RNF10: variants seen among roughly 807,000 people sequenced by gnomAD.
RNF10 encodes ring finger protein 10, also known as E3 ubiquitin-protein ligase RNF10.
RNF10 carries 38 observed loss-of-function variants against 91.4 expected under a neutral mutation model. The ratio of observed to expected loss-of-function variants is 0.42; its 90% CI spans 0.32 to 0.54. The LOEUF is 0.54. RNF10 is among the 20% of genes least tolerant of loss of function. The pLI, the probability that RNF10 is intolerant of heterozygous loss-of-function variation, is 0.16. For missense variants in RNF10, 945 were observed against 1,012.0 expected, an observed-to-expected ratio of 0.93 and a Z score of 0.90; for synonymous variants, 364 against 366.3, an observed-to-expected ratio of 0.99 and a Z score of 0.07.
Position 120,563,488 on chromosome 12 carries a change from G to C in RNF10, c.1396G>C (p.Ala466Pro), listed in dbSNP as rs763780862. Residue 466 changes from alanine (A) to proline (P), a missense_variant, in exon 9 of 17, where the codon GCC becomes CCC. Physicochemically the swap from Ala to Pro is conservative, Grantham distance 27. Transcript: ENST00000325954. ...ACCAGAGCCTGAGGGGTTGCCAGAG[G>C]CCTGTGATGACTTGGAGTTAGCAGA... ...SEPEPEGLPE[A>P]CDDLELADDN... 38 of 1,614,140 alleles carry C rather than the reference G, an allele frequency of 2.4e-5. No homozygotes were observed. The highest frequency in any genetic ancestry group is 3.2e-5 in the Non-Finnish European group (38 of 1,180,028).
chr12:120,561,939 T>G (rs1173427832), intron 7 of RNF10, among the ~76,000 whole-genome samples: 2 of 152,222 alleles, frequency 1.3e-5, no homozygotes, highest in African/African-American at 2.4e-5. Flanking sequence ...TAGGTTAGTT[T>G]CATGTTCTTA....
intron 1 of RNF10, among the ~76,000 whole-genome samples, chr12:120,538,529 G>A (rs1439593205): frequency 6.6e-6 from 1 of 152,170 alleles, no homozygotes; most frequent in African/African-American, 2.4e-5. Context: ...TATTCCTACA[G>A]CTTCATTCCA....
At chr12:120,554,509 T>C in intron 3 of RNF10, 1 of 514,156 alleles carries the variant, frequency 1.9e-6, no homozygotes, top group Non-Finnish European at 3.5e-6. Flanking sequence ...AGAAAACAGT[T>C]CATGGATTTA....
intron 1 of RNF10, among the ~76,000 whole-genome samples, chr12:120,540,817 A>G (rs1871435517): frequency 6.6e-6 from 1 of 151,720 alleles, no homozygotes; most frequent in African/African-American, 2.4e-5. Flanking sequence ...AAGTGAAGAA[A>G]TGAAGACAGC....
rs1877460904 is a variant in RNF10, at chr12:120,576,835, G to T, written c.*169G>T. On this transcript the variant is annotated 3_prime_UTR_variant, in exon 17 of 17. Coordinates refer to ENST00000325954, the MANE Select transcript of RNF10 (RefSeq NM_014868.5). Reference sequence around the variant, plus strand: ...GGGAACCAAGAAAATTTTAAATACAGTGTATTTTCCAGCTTCCTGTCTTTA... The same window carrying T: ...GGGAACCAAGAAAATTTTAAATACATTGTATTTTCCAGCTTCCTGTCTTTA... The T allele has an allele frequency of 1.2e-5, 10 of 808,780 alleles. No homozygotes were observed. The South Asian group carries it at 1.6e-4, about 13-fold the overall frequency. 50.1% of individuals were successfully genotyped at this position (808,780 alleles called of 1,614,324 possible).
intron 6 of RNF10, among the ~76,000 whole-genome samples, chr12:120,558,330 G>A (rs1362668846): frequency 3.3e-5 from 5 of 151,844 alleles, no homozygotes; most frequent in African/African-American, 1.2e-4. Flanking sequence ...CCTCAGATGT[G>A]CATCTGTCTG....
At chr12:120,570,184 CT>C (rs11378458) in intron 13 of RNF10, 192 of 112,348 alleles carry the variant, frequency 1.7e-3, no homozygotes, top group South Asian at 0.011. Context: ...CACACCCAGC[CT>C]TTTTTTTTTT....
At chr12:120,557,208 A>G (rs1874178508) in intron 4 of RNF10, 74 bp from the exon 5 acceptor site, 1 of 1,328,082 alleles carries the variant, frequency 7.5e-7, no homozygotes, top group Non-Finnish European at 1.1e-6. Flanking sequence ...ATGAGAGAGT[A>G]GAGAGGCCTA....
intron 13 of RNF10, among the ~76,000 whole-genome samples, chr12:120,569,932 G>T (rs1001581012): frequency 6.6e-6 from 1 of 151,996 alleles, no homozygotes. Flanking sequence ...TCTCTCTGTC[G>T]CCCGGGCTGG....
chr12:120,573,629 G>T (rs146367061), intron 14 of RNF10, among the ~76,000 whole-genome samples: 1 of 152,102 alleles, frequency 6.6e-6, no homozygotes, highest in African/African-American at 2.4e-5. Context: ...TCTGCTGGCT[G>T]GAGGACTGGG....
At chr12:120,572,900 C>CTT (rs35567785) in intron 14 of RNF10, among the ~76,000 whole-genome samples, 21,072 of 100,264 alleles carry the variant, frequency 0.21, 2,958 homozygotes, top group Non-Finnish European at 0.3. Flanking sequence ...TGCGCCTGGC[C>CTT]TTTTTTTTTT....
rs1329528762 is a variant in RNF10, at chr12:120,557,442, C to T, written c.806C>T (p.Ser269Phe). 1.2e-6 allele frequency: 2 copies of T among 1,614,028 alleles called. No individual in the cohort carries two copies. The highest frequency in any genetic ancestry group is 1.1e-5 in the South Asian group (1 of 91,090). Residue 269 changes from serine to phenylalanine, a missense_variant, in exon 5 of 17, where the codon TCT becomes TTT. Physicochemically the swap from Ser to Phe is radical, Grantham distance 155. Transcript: ENST00000325954. Reference protein sequence around the residue: ...TWSKCPICYSSVHKKDLKSVV... With the variant: ...TWSKCPICYSFVHKKDLKSVV... ...AGTAAATGTCCCATCTGTTACAGTT[C>T]TGTGCATAAGAAGGATCTCAAGAGG...
At chr12:120,552,272 C>G (rs1371026901) in intron 2 of RNF10, among the ~76,000 whole-genome samples, 1 of 151,534 alleles carries the variant, frequency 6.6e-6, no homozygotes, top group African/African-American at 2.4e-5. Flanking sequence ...TAATCCCACA[C>G]GCCTGTAATC....
intron 14 of RNF10, among the ~76,000 whole-genome samples, chr12:120,571,906 G>C (rs530666086): frequency 1.2e-4 from 19 of 152,122 alleles, no homozygotes; most frequent in Non-Finnish European, 2.5e-4. Flanking sequence ...GAGGCTTGCT[G>C]TGAAACCACT....
intron 1 of RNF10, among the ~76,000 whole-genome samples, chr12:120,541,208 T>C (rs1871513085): frequency 6.6e-6 from 1 of 152,160 alleles, no homozygotes. Flanking sequence ...TTTACCTAAA[T>C]CTATGCAAAC....
chr12:120,545,831 G>T (rs575722015), intron 1 of RNF10, among the ~76,000 whole-genome samples: 2 of 152,176 alleles, frequency 1.3e-5, no homozygotes, highest in East Asian at 3.9e-4. Context: ...GAGCCATTGC[G>T]CCCAGCCCCC....
chr12:120,536,417 C>T (rs145888745), intron 1 of RNF10, among the ~76,000 whole-genome samples: 77 of 152,152 alleles, frequency 5.1e-4, no homozygotes, highest in African/African-American at 1.7e-3. Context: ...AACAGAGACC[C>T]CCATCTCTAA....
chr12:120,552,556 A>G lies in RNF10; in HGVS notation c.412A>G (p.Ile138Val). Residue 138 changes from isoleucine (I) to valine (V), a missense_variant, in exon 3 of 17, where the codon ATC becomes GTC. Coordinates refer to ENST00000325954, the MANE Select transcript of RNF10 (RefSeq NM_014868.5). ...SPAQFSGPKKINLNHLLNFTF... is the reference protein window; with the variant it reads ...SPAQFSGPKKVNLNHLLNFTF... ...TGCCCAGTTCTCTGGTCCTAAGAAG[A>G]TCAACCTGAACCACTTGTTGAATTT... The G allele has an allele frequency of 6.2e-7, 1 of 1,614,194 alleles. No homozygotes were observed. Among genetic ancestry groups the G allele is most frequent in the Non-Finnish European group, 8.5e-7 (1 of 1,180,028 alleles).
intron 1 of RNF10, chr12:120,539,323 C>A: frequency 2.2e-6 from 2 of 929,990 alleles, no homozygotes; most frequent in Non-Finnish European, 3.0e-6. Flanking sequence ...AACTTACTGG[C>A]ATGTGCATCA....
Sources: gnomAD v4.1 joint callset for allele counts (sites outside exome capture counted in the v4.1 genomes callset) on GRCh38, gnomAD v4.1.1 for gene constraint, MANE v1.5 for transcripts, NCBI Gene and HGNC (gene_info 2026-07-23, HGNC 2026-07-21) for gene names.